Variants in ZNF469 observed in about 807,000 individuals in gnomAD.
The protein encoded by ZNF469 is zinc finger protein 469.
In ZNF469, 1 loss-of-function variant was observed where a neutral mutation model predicts 1.0. The observed-to-expected ratio is 1.00, with a 90% CI of 0.35 to 4.73. The LOEUF (loss-of-function observed/expected upper bound fraction) is 4.73, where lower values mean the gene tolerates loss of function less well. Ranked by LOEUF, ZNF469 falls within the 30% of genes most tolerant of loss-of-function variation. The probability of loss-of-function intolerance (pLI) is 0.16; values close to 1 mark genes in which losing one functional copy is unlikely to be tolerated. For missense variants in ZNF469, 6,100 were observed against 5,356.3 expected (o/e 1.14, Z -4.33); for synonymous variants, 2,703 against 2,363.4 (o/e 1.14, Z -4.17).
chr16:88,326,704 A>T, the ZNF469 span, among the ~76,000 whole-genome samples: 87 of 152,164 alleles, frequency 5.7e-4, no homozygotes, highest in African/African-American at 2.0e-3. Flanking sequence ...TCACTGACTC[A>T]TGGGACCCCC....
In ZNF469 at chr16:88,439,045, C is replaced by T; in HGVS notation, c.11575C>T (p.Pro3859Ser). Residue 3859 changes from proline to serine, a missense_variant, in exon 3 of 3, where the codon CCG becomes TCG. Physicochemically the swap from Pro to Ser is moderately conservative, Grantham distance 74 (BLOSUM62 -1). Coordinates refer to ENST00000565624, the MANE Select transcript of ZNF469 (RefSeq NM_001367624.2). The part of the protein sequence containing the change: ...RKQATPSRVL[P>S]TKPKPNSQNK... Reference sequence around the variant, plus strand: ...GCAGGCAACTCCCAGCCGCGTGCTCCCGACCAAGCCCAAGCCCAACAGCCA... The same window carrying T: ...GCAGGCAACTCCCAGCCGCGTGCTCTCGACCAAGCCCAAGCCCAACAGCCA... 6.4e-7 allele frequency: 1 copy of T among 1,550,522 alleles called. No individual in the cohort carries two copies. Among genetic ancestry groups the T allele is most frequent in the Non-Finnish European group, 8.7e-7 (1 of 1,146,958 alleles).
At chr16:88,365,113 A>G in the ZNF469 span, among the ~76,000 whole-genome samples, 2 of 152,222 alleles carry the variant, frequency 1.3e-5, no homozygotes, top group African/African-American at 2.4e-5. Flanking sequence ...ATGAAATAGC[A>G]TTATTTTGGG....
intron 1 of ZNF469, among the ~76,000 whole-genome samples, chr16:88,388,293 C>G (rs1328350287): frequency 6.6e-6 from 1 of 152,238 alleles, no homozygotes; most frequent in Non-Finnish European, 1.5e-5. Flanking sequence ...CGTCCCCTGG[C>G]TAACTGCTAA....
chr16:88,380,804 GCA>G (rs1004898763), upstream of ZNF469, among the ~76,000 whole-genome samples: 5 of 58,394 alleles, frequency 8.6e-5, no homozygotes, highest in East Asian at 8.6e-4. Flanking sequence ...ACTCACACAT[GCA>G]CACACACCCA....
At chr16:88,110,267 T>C in the ZNF469 span, among the ~76,000 whole-genome samples, 2 of 152,196 alleles carry the variant, frequency 1.3e-5, no homozygotes, top group Non-Finnish European at 2.9e-5. Flanking sequence ...CCTGGGCTTC[T>C]GATTCAGGAG....
the ZNF469 span, among the ~76,000 whole-genome samples, chr16:88,281,551 G>T: frequency 6.7e-6 from 1 of 149,684 alleles, no homozygotes; most frequent in Admixed American, 6.7e-5. Flanking sequence ...TGGCTCACAG[G>T]TTAGTGCTGT....
the ZNF469 span, among the ~76,000 whole-genome samples, chr16:88,171,227 G>A: frequency 6.6e-6 from 1 of 152,226 alleles, no homozygotes; most frequent in Non-Finnish European, 1.5e-5. Flanking sequence ...CTGAAATAAT[G>A]CAAAGGGCCT....
chr16:88,430,606 TG>T lies in ZNF469; in HGVS notation c.3140del (p.Gly1047AlafsTer6). 6.7e-7 allele frequency: 1 copy of T among 1,499,862 alleles called. No individual in the cohort carries two copies. Among genetic ancestry groups the T allele is most frequent in the Non-Finnish European group, 8.8e-7 (1 of 1,130,192 alleles). 92.9% of individuals were successfully genotyped at this position (1,499,862 alleles called of 1,614,324 possible). A position where few individuals can be genotyped will look rare whatever the true frequency, so the allele number is the denominator to read the frequency against. ...PRKRKARGGA[W>X]GKELILKIVQ... ...GAAGAGGAAGGCTCGGGGCGGCGCC[TG>T]GGGCAAGGAGCTCATTCTGAAGATC... On this transcript the variant is annotated frameshift_variant, in exon 3 of 3. Transcript: ENST00000565624. LOFTEE classifies it low-confidence loss of function (END_TRUNC).
At chr16:88,402,808 T>G (rs1376668223) in intron 1 of ZNF469, among the ~76,000 whole-genome samples, 1 of 152,176 alleles carries the variant, frequency 6.6e-6, no homozygotes, top group African/African-American at 2.4e-5. Flanking sequence ...AACTCCCTTA[T>G]GCACTTCATC....
At chr16:88,166,377 T>C in the ZNF469 span, among the ~76,000 whole-genome samples, 41 of 152,262 alleles carry the variant, frequency 2.7e-4, no homozygotes, top group Non-Finnish European at 2.8e-4. This position sits in a 1 kb window ranked among gnomAD's most constrained non-coding sequence, Gnocchi z 4.5. Flanking sequence ...TGGTTTTAGC[T>C]CAATTTCATT....
the ZNF469 span, among the ~76,000 whole-genome samples, chr16:88,157,704 G>A: frequency 3.9e-5 from 6 of 152,200 alleles, no homozygotes; most frequent in East Asian, 1.9e-4. Context: ...CCAGCTCCCC[G>A]CTCCTGGTGG....
At chr16:88,368,402 G>A in the ZNF469 span, among the ~76,000 whole-genome samples, 1 of 152,218 alleles carries the variant, frequency 6.6e-6, no homozygotes, top group Non-Finnish European at 1.5e-5. Context: ...TGCGAGGTGG[G>A]GGTTCTGCGA....
chr16:88,380,380 C>CAGAT (rs879617867), upstream of ZNF469, among the ~76,000 whole-genome samples: 1,010 of 109,110 alleles, frequency 9.3e-3, 48 homozygotes, highest in Non-Finnish European at 0.012. Flanking sequence ...TGCACTCACA[C>CAGAT]GCACTCACAG....
chr16:88,361,319 G>C, the ZNF469 span, among the ~76,000 whole-genome samples: 1 of 152,188 alleles, frequency 6.6e-6, no homozygotes, highest in Non-Finnish European at 1.5e-5. Flanking sequence ...GTGTGGCCCA[G>C]TTCCTAATAG....
At chr16:88,180,945 C>T in the ZNF469 span, among the ~76,000 whole-genome samples, 67 of 152,164 alleles carry the variant, frequency 4.4e-4, no homozygotes, top group African/African-American at 1.5e-3. Flanking sequence ...TCCAATACTC[C>T]TCTCTGTAAG....
the ZNF469 span, among the ~76,000 whole-genome samples, chr16:88,235,819 C>T: frequency 6.6e-6 from 1 of 152,152 alleles, no homozygotes; most frequent in Admixed American, 6.5e-5. Flanking sequence ...GGACATGTGC[C>T]GCAGGGGGTT....
In ZNF469 at chr16:88,427,764, G is replaced by T. The variant is rs2142297063; in HGVS notation, c.294G>T (p.Gly98=). The stretch of plus-strand genomic sequence containing the variant: ...GGGGCAGCCCCCAGACCCCACCGGG[G>T]AGAAGCCCCTTGCAGGCTCCCTCAA... ...GKRGSPQTPP[G]RSPLQAPSRL... is the part of the protein sequence containing the mutation. The change falls in exon 3 of 3, where the codon GGG becomes GGT. Residue 98 remains glycine (G), a synonymous_variant. Coordinates refer to ENST00000565624, the MANE Select transcript of ZNF469 (RefSeq NM_001367624.2). 1 of 1,545,392 alleles carries T rather than the reference G, an allele frequency of 6.5e-7. No individual in the cohort carries two copies. The highest frequency in any genetic ancestry group is 8.7e-7 in the Non-Finnish European group (1 of 1,146,550).
At chr16:88,197,894 C>A in the ZNF469 span, among the ~76,000 whole-genome samples, 1 of 152,370 alleles carries the variant, frequency 6.6e-6, no homozygotes, top group African/African-American at 2.4e-5. Flanking sequence ...CCCAGCAGAG[C>A]AAGGCAGGCC....
the ZNF469 span, among the ~76,000 whole-genome samples, chr16:88,370,347 G>A: frequency 1.3e-5 from 2 of 152,268 alleles, no homozygotes; most frequent in African/African-American, 4.8e-5. Flanking sequence ...CGTGGGGCGG[G>A]CTCCACCTCA....
Sources: allele counts gnomAD v4.1 joint callset (sites outside exome capture counted in the v4.1 genomes callset), GRCh38; gene constraint gnomAD v4.1.1; non-coding constraint Gnocchi (gnomAD v3.1); transcripts MANE v1.5; gene names NCBI Gene and HGNC (gene_info 2026-07-23, HGNC 2026-07-21).